Variants in GRIN2A observed in about 807,000 individuals in gnomAD.
The protein encoded by GRIN2A is glutamate ionotropic receptor NMDA type subunit 2A.
GRIN2A carries 22 observed loss-of-function variants against 113.4 expected under a neutral mutation model. The ratio of observed to expected loss-of-function variants is 0.19; its 90% CI spans 0.14 to 0.28. The LOEUF (loss-of-function observed/expected upper bound fraction) is 0.28, where lower values mean the gene tolerates loss of function less well. Among genes scored for constraint, GRIN2A ranks in the 10% least tolerant of loss-of-function variants. The probability of loss-of-function intolerance (pLI) is 1.00; values close to 1 mark genes in which losing one functional copy is unlikely to be tolerated. For synonymous variants in GRIN2A, 827 were observed against 738.4 expected (o/e 1.12, Z -1.94); for missense variants, 1,502 against 1,887.0 (o/e 0.80, Z 3.78).
chr16:9,955,486 G>A (rs542930744), intron 2 of GRIN2A, among the ~76,000 whole-genome samples: 4 of 152,256 alleles, frequency 2.6e-5, no homozygotes, highest in African/African-American at 9.6e-5. Flanking sequence ...TAGTGCAAAA[G>A]TAAATTACTG....
intron 10 of GRIN2A, among the ~76,000 whole-genome samples, chr16:9,816,991 A>ATGTT (rs1567320046): frequency 6.6e-6 from 1 of 152,184 alleles, no homozygotes; most frequent in South Asian, 2.1e-4. Context: ...ATCTCTGTTG[A>ATGTT]TGTTTACACA....
Position 9,764,071 on chromosome 16 carries a change from A to C in GRIN2A, c.3473T>G (p.Phe1158Cys). 1 of 1,613,638 alleles carries C rather than the reference A, an allele frequency of 6.2e-7. No individual in the cohort carries two copies. Among genetic ancestry groups the C allele is most frequent in the South Asian group, 1.1e-5 (1 of 91,066 alleles). Residue 1158 changes from phenylalanine to cysteine, a missense_variant, in exon 13 of 13, where the codon TTC (phenylalanine) becomes TGC (cysteine). Coordinates refer to ENST00000330684, the MANE Select transcript of GRIN2A (RefSeq NM_001134407.3). ...PDPYQDPSEN[F>C]RKGDSTLPMN... ...TGGCAGCGTGGAGTCCCCCTTGCGG[A>C]AGTTTTCACTGGGATCCTGGTAGGG...
chr16:10,039,802 G>GAGGGAGGGGGA (rs1555469289), intron 2 of GRIN2A, among the ~76,000 whole-genome samples: 1 of 56,166 alleles, frequency 1.8e-5, no homozygotes, highest in African/African-American at 1.0e-4. Flanking sequence ...GGGAGGGGGA[G>GAGGGAGGGGGA]GGGGGGGAGA....
intron 2 of GRIN2A, among the ~76,000 whole-genome samples, chr16:9,961,560 G>C (rs2045443440): frequency 1.3e-5 from 2 of 152,286 alleles, no homozygotes; most frequent in South Asian, 4.1e-4. Flanking sequence ...CTTGGGGTTG[G>C]TGAGAAGGGA....
chr16:9,860,057 TG>T, intron 4 of GRIN2A, among the ~76,000 whole-genome samples: 1 of 151,786 alleles, frequency 6.6e-6, no homozygotes, highest in Non-Finnish European at 1.5e-5. Context: ...ATGAAGTGAA[TG>T]AAGTGAGACA....
At chr16:9,981,473 T>G (rs986978528) in intron 2 of GRIN2A, among the ~76,000 whole-genome samples, 3 of 152,246 alleles carry the variant, frequency 2.0e-5, no homozygotes, top group African/African-American at 7.2e-5. Flanking sequence ...ATTTTAACTA[T>G]TTTCAATTCG....
chr16:10,089,420 C>T (rs1248251861), intron 2 of GRIN2A, among the ~76,000 whole-genome samples: 1 of 152,070 alleles, frequency 6.6e-6, no homozygotes, highest in African/African-American at 2.4e-5. Context: ...ATAAGCACAA[C>T]AATGAATGTT....
chr16:10,171,488 C>T (rs149829286), intron 2 of GRIN2A: 3 of 152,336 alleles, frequency 2.0e-5, no homozygotes, highest in African/African-American at 7.2e-5. Context: ...ATGCTGGCCA[C>T]ATTTAGCTTC....
At chr16:9,768,766 T>A (rs1005442258) in intron 12 of GRIN2A, 85 bp downstream of exon 12, 40 of 888,086 alleles carry the variant, frequency 4.5e-5, no homozygotes, top group Non-Finnish European at 7.3e-5. Flanking sequence ...GGGGAGGAAG[T>A]GCAGACCCCA....
intron 4 of GRIN2A, among the ~76,000 whole-genome samples, chr16:9,887,209 C>T (rs2043602561): frequency 6.6e-6 from 1 of 151,968 alleles, no homozygotes; most frequent in Non-Finnish European, 1.5e-5. Context: ...TTTTTTTAAA[C>T]TAAGCACAAT....
At chr16:9,797,383 C>T (rs1174153574) in intron 11 of GRIN2A, among the ~76,000 whole-genome samples, 1 of 152,206 alleles carries the variant, frequency 6.6e-6, no homozygotes, top group Admixed American at 6.5e-5. Flanking sequence ...CCACGGCCAG[C>T]CTCTAGAGGC....
rs1193866569 is a variant in GRIN2A at position 9,754,988 on chromosome 16, A to G, written c.*8161T>C. The G allele has an allele frequency of 4.9e-6, 1 of 205,382 alleles. No individual in the cohort carries two copies. The highest frequency in any genetic ancestry group is 1.0e-5 in the Non-Finnish European group (1 of 100,482). 12.7% of individuals were successfully genotyped at this position (205,382 alleles called of 1,614,324 possible). On this transcript the variant is annotated 3_prime_UTR_variant, in exon 13 of 13. Transcript: ENST00000330684. The stretch of plus-strand genomic sequence containing the variant: ...AAAGGCAGCTGTGGTATTGGCTATG[A>G]GTTATGTTAATATCCTATTGAAGGT...
chr16:9,783,405 G>A (rs1048993043), intron 11 of GRIN2A, among the ~76,000 whole-genome samples: 5 of 152,132 alleles, frequency 3.3e-5, no homozygotes, highest in Admixed American at 6.5e-5. Flanking sequence ...TTTTAACACT[G>A]TTATTATAGT....
intron 10 of GRIN2A, among the ~76,000 whole-genome samples, chr16:9,811,654 G>A (rs2042089400): frequency 6.6e-6 from 1 of 152,308 alleles, no homozygotes; most frequent in African/African-American, 2.4e-5. Context: ...CAGTACTCGG[G>A]ATGCTGAGGC....
Position 10,132,340 on chromosome 16 carries a change from C to CAAAAAAAAAAAAAAAAA in GRIN2A, c.414+47641_414+47657dup, listed in dbSNP as rs71402435. 3.9e-4 allele frequency among the ~76,000 whole-genome samples: 24 copies of CAAAAAAAAAAAAAAAAA among 61,596 alleles called. 2 individuals carry two copies. The highest frequency in any genetic ancestry group is 2.2e-3 in the East Asian group (3 of 1,366). 40.4% of individuals were successfully genotyped at this position (61,596 alleles called of 152,430 possible). A position where few individuals can be genotyped will look rare whatever the true frequency, so the allele number is the denominator to read the frequency against. On this transcript the variant is annotated intron_variant, in intron 2 of 12. Coordinates refer to ENST00000330684, the MANE Select transcript of GRIN2A (RefSeq NM_001134407.3). ...GAATGAGCAGAACAAGACACCGTCT[C>CAAAAAAAAAAAAAAAAA]AAAAAAAAAAAAAAAAAAGATGTGA... is the stretch of plus-strand genomic sequence containing the variant.
At chr16:9,804,906 T>G (rs1194998670) in intron 10 of GRIN2A, among the ~76,000 whole-genome samples, 1 of 152,194 alleles carries the variant, frequency 6.6e-6, no homozygotes, top group Non-Finnish European at 1.5e-5. Flanking sequence ...AGACCTCCTC[T>G]CTGTAAATTA....
chr16:9,796,076 C>T (rs997515381), intron 11 of GRIN2A, among the ~76,000 whole-genome samples: 20 of 152,142 alleles, frequency 1.3e-4, no homozygotes, highest in African/African-American at 3.1e-4. Flanking sequence ...CATTGAGGAA[C>T]GTATGTAATG....
In GRIN2A at chr16:10,141,119, C is replaced by A. The variant is rs548476262; in HGVS notation, c.414+38879G>T. On this transcript the variant is annotated intron_variant, in intron 2 of 12. Coordinates refer to ENST00000330684, the MANE Select transcript of GRIN2A (RefSeq NM_001134407.3). ...TGAGGTGGGAGGATCGCTTGAACCCCGGAGGGTGAGGCTGGAGTGAGCCAG... is the reference window on the plus strand; with the variant it reads ...TGAGGTGGGAGGATCGCTTGAACCCAGGAGGGTGAGGCTGGAGTGAGCCAG... Among the ~76,000 whole-genome samples, 2 of 151,312 alleles carry A rather than the reference C, an allele frequency of 1.3e-5. 1 individual carries two copies. The highest frequency in any genetic ancestry group is 4.2e-4 in the South Asian group (2 of 4,784).
At chr16:10,081,375 T>C (rs1204515304) in intron 2 of GRIN2A, among the ~76,000 whole-genome samples, 1 of 152,200 alleles carries the variant, frequency 6.6e-6, no homozygotes, top group Non-Finnish European at 1.5e-5. Context: ...TCCTTACATA[T>C]GCCCCCAGAA....
Sources: gnomAD v4.1 joint callset for allele counts (sites outside exome capture counted in the v4.1 genomes callset) on GRCh38, gnomAD v4.1.1 for gene constraint, MANE v1.5 for transcripts, NCBI Gene and HGNC (gene_info 2026-07-23, HGNC 2026-07-21) for gene names.